The following NEGR1 variants were observed in gnomAD, a reference collection of about 807,000 sequenced individuals.
NEGR1 encodes the protein IgLON family member 4.
Under a neutral mutation model 40.9 loss-of-function variants are expected in NEGR1, and 10 were observed. That is an observed-to-expected ratio of 0.24 (90% CI 0.15 to 0.42). NEGR1 has a LOEUF of 0.42. Among genes scored for constraint, NEGR1 ranks in the 10% least tolerant of loss-of-function variants. The pLI, the probability that NEGR1 is intolerant of heterozygous loss-of-function variation, is 1.00. For synonymous variants in NEGR1, 185 were observed against 166.8 expected (o/e 1.11, Z -0.84); for missense variants, 352 against 438.9 (o/e 0.80, Z 1.77).
At chr1:72,209,583 A>G (rs1653525323) in intron 1 of NEGR1, among the ~76,000 whole-genome samples, 1 of 151,818 alleles carries the variant, frequency 6.6e-6, no homozygotes, top group Non-Finnish European at 1.5e-5. Context: ...TGTAAGAAAT[A>G]TTTTCTAAAT....
At chr1:71,494,911 C>CCTTTCT (rs1246253005) in intron 6 of NEGR1, among the ~76,000 whole-genome samples, 1 of 152,106 alleles carries the variant, frequency 6.6e-6, no homozygotes, top group Admixed American at 6.6e-5. Context: ...CAAGAGCAAA[C>CCTTTCT]CTTTCTCTTT....
chr1:71,528,103 C>G (rs917945082), intron 6 of NEGR1, among the ~76,000 whole-genome samples: 2 of 151,268 alleles, frequency 1.3e-5, no homozygotes, highest in African/African-American at 4.8e-5. Context: ...GGAAGACCTG[C>G]TAAATACTAA....
rs559243809 is a variant in NEGR1, at chr1:71,797,361, C to G, written c.410-21064G>C. On this transcript the variant is annotated intron_variant, in intron 2 of 6. Coordinates refer to ENST00000357731, the MANE Select transcript of NEGR1 (RefSeq NM_173808.3). ...AAACATGCTGCTTGCTCACAAGGAT[C>G]TAAGCTATTGAGTCATGGTAAGAAG... 6.6e-5 allele frequency among the ~76,000 whole-genome samples: 10 copies of G among 152,212 alleles called. 1 individual carries two copies. In the South Asian group the frequency reaches 2.1e-3, roughly 32 times the overall value.
At chr1:72,083,385 T>C (rs573704475) in intron 1 of NEGR1, among the ~76,000 whole-genome samples, 1 of 152,138 alleles carries the variant, frequency 6.6e-6, no homozygotes, top group Non-Finnish European at 1.5e-5. Flanking sequence ...TATTGCTATG[T>C]TTCCCAGGCC....
intron 6 of NEGR1, among the ~76,000 whole-genome samples, chr1:71,532,974 A>G (rs567499044): frequency 6.6e-6 from 1 of 151,478 alleles, no homozygotes; most frequent in South Asian, 2.1e-4. Context: ...AAAGACAAAC[A>G]CTCATGAGAC....
intron 6 of NEGR1, among the ~76,000 whole-genome samples, chr1:71,423,310 G>A (rs1468410213): frequency 2.0e-5 from 3 of 152,130 alleles, no homozygotes; most frequent in Admixed American, 6.6e-5. Context: ...TGAGAGGATT[G>A]CTTGAGCCCA....
chr1:71,524,315 AGTGTGTGTGTGT>A (rs60790381), intron 6 of NEGR1, among the ~76,000 whole-genome samples: 19 of 140,560 alleles, frequency 1.4e-4, no homozygotes, highest in African/African-American at 4.5e-4. Context: ...TTTAAATAGG[AGTGTGTGTGTGT>A]GTGTGTGTGT....
intron 2 of NEGR1, among the ~76,000 whole-genome samples, chr1:71,911,295 T>G (rs75934811): frequency 0.013 from 1,986 of 152,296 alleles, 21 homozygotes; most frequent in Admixed American, 0.021. Flanking sequence ...ATATGATTTT[T>G]ATTAAAATAT....
At chr1:72,116,354 G>A (rs547619061) in intron 1 of NEGR1, among the ~76,000 whole-genome samples, 1 of 151,858 alleles carries the variant, frequency 6.6e-6, no homozygotes, top group South Asian at 2.1e-4. Flanking sequence ...AGTAGCAAAT[G>A]CATTAGAGAT....
At chr1:71,578,537 C>T (rs1419735296) in intron 6 of NEGR1, among the ~76,000 whole-genome samples, 1 of 152,032 alleles carries the variant, frequency 6.6e-6, no homozygotes, top group Non-Finnish European at 1.5e-5. Flanking sequence ...AGGTGTTATA[C>T]ATCTATATAG....
intron 2 of NEGR1, among the ~76,000 whole-genome samples, chr1:71,791,086 T>C (rs1657097447): frequency 6.6e-6 from 1 of 151,998 alleles, no homozygotes; most frequent in Non-Finnish European, 1.5e-5. Context: ...ATATAGTTTT[T>C]CCCTTTCTTA....
chr1:72,262,329 G>A (rs754771413), intron 1 of NEGR1, among the ~76,000 whole-genome samples: 3 of 152,022 alleles, frequency 2.0e-5, no homozygotes, highest in Non-Finnish European at 2.9e-5. Flanking sequence ...GCCTTCTCCT[G>A]AAGTGAAAGC....
chr1:72,248,108 AC>A (rs1654960969), intron 1 of NEGR1, among the ~76,000 whole-genome samples: 1 of 152,052 alleles, frequency 6.6e-6, no homozygotes, highest in Non-Finnish European at 1.5e-5. Flanking sequence ...CGCCTGCATG[AC>A]CCAAACACCT....
intron 1 of NEGR1, among the ~76,000 whole-genome samples, chr1:72,043,334 C>T (rs1646972377): frequency 6.6e-6 from 1 of 151,832 alleles, no homozygotes; most frequent in South Asian, 2.1e-4. Context: ...TTTGAAATAA[C>T]CAGCATTGCC....
chr1:72,159,461 C>A (rs1557555765), intron 1 of NEGR1, among the ~76,000 whole-genome samples: 1 of 152,060 alleles, frequency 6.6e-6, no homozygotes, highest in African/African-American at 2.4e-5. Context: ...CAATGTAAAA[C>A]CTCCCTGTGG....
chr1:71,972,713 A>G (rs1003046631), intron 1 of NEGR1, among the ~76,000 whole-genome samples: 2 of 152,046 alleles, frequency 1.3e-5, no homozygotes, highest in Non-Finnish European at 2.9e-5. Context: ...TATGCTTGGG[A>G]TGCTATGAAA....
At chr1:71,469,005 AC>A (rs1297982623) in intron 6 of NEGR1, among the ~76,000 whole-genome samples, 2 of 152,038 alleles carry the variant, frequency 1.3e-5, no homozygotes, top group African/African-American at 2.4e-5. Context: ...ACTGCCGCTA[AC>A]CTGAAGAGGT....
At chr1:71,699,858 C>A (rs1445825456) in intron 3 of NEGR1, among the ~76,000 whole-genome samples, 1 of 151,824 alleles carries the variant, frequency 6.6e-6, no homozygotes, top group Non-Finnish European at 1.5e-5. Context: ...GAATAAGTCT[C>A]ATGAGATCTG....
At chr1:72,100,617 C>T (rs2100243430) in intron 1 of NEGR1, 1 of 152,264 alleles carries the variant, frequency 6.6e-6, no homozygotes, top group East Asian at 1.9e-4. Context: ...GCACATAAAA[C>T]AGTTCTAAAT....
Sources: gnomAD v4.1 joint callset for allele counts (sites outside exome capture counted in the v4.1 genomes callset) on GRCh38, gnomAD v4.1.1 for gene constraint, MANE v1.5 for transcripts, NCBI Gene and HGNC (gene_info 2026-07-23, HGNC 2026-07-21) for gene names.